The following PDZRN3 variants were observed in gnomAD, a reference collection of about 807,000 sequenced individuals.
PDZRN3 encodes PDZ domain containing ring finger 3.
A neutral mutation model predicts 85.7 loss-of-function variants in PDZRN3; 38 were observed. The observed-to-expected ratio is 0.44, with a 90% CI of 0.34 to 0.58. PDZRN3 has a LOEUF of 0.58. PDZRN3 is among the 20% of genes least tolerant of loss of function. The probability of loss-of-function intolerance (pLI) is 0.01; values close to 1 mark genes in which losing one functional copy is unlikely to be tolerated. For missense variants in PDZRN3, 1,629 were observed against 1,506.4 expected, an observed-to-expected ratio of 1.08 and a Z score of -1.35; for synonymous variants, 759 against 638.0, an observed-to-expected ratio of 1.19 and a Z score of -2.86.
At chr3:73,539,633 C>T (rs899088147) in intron 3 of PDZRN3, among the ~76,000 whole-genome samples, 1 of 152,092 alleles carries the variant, frequency 6.6e-6, no homozygotes, top group African/African-American at 2.4e-5. Context: ...CCAGCACCAA[C>T]TGCAAGATGA....
intron 3 of PDZRN3, among the ~76,000 whole-genome samples, chr3:73,511,394 G>A (rs972102739): frequency 4.0e-5 from 6 of 151,582 alleles, no homozygotes; most frequent in Non-Finnish European, 8.8e-5. Flanking sequence ...CCAGCCCTGG[G>A]TGTCGGCTGG....
chr3:73,623,809 C>G, intron 1 of PDZRN3: 1 of 314,444 alleles, frequency 3.2e-6, no homozygotes, highest in East Asian at 5.0e-5. Flanking sequence ...GAGCTGCATT[C>G]TTCATTCTTA....
chr3:73,586,952 G>C (rs186383849), intron 3 of PDZRN3, among the ~76,000 whole-genome samples: 41 of 152,322 alleles, frequency 2.7e-4, no homozygotes, highest in Non-Finnish European at 3.5e-4. Flanking sequence ...TAAGTGGAAA[G>C]GTGACAGGAA....
In PDZRN3 at chr3:73,624,747, C is replaced by T; in HGVS notation, c.79G>A (p.Asp27Asn). The change falls in exon 1 of 10, where the codon GAC becomes AAC. Residue 27 changes from aspartate (D) to asparagine (N), a missense_variant. Transcript: ENST00000263666. ...KCALCHKVLE[D>N]PLTTPCGHVF... Reference sequence around the variant, plus strand: ...TGGCCGCACGGCGTGGTCAGCGGGTCCTCCAGGACCTTGTGGCACAGCGCG... The same window carrying T: ...TGGCCGCACGGCGTGGTCAGCGGGTTCTCCAGGACCTTGTGGCACAGCGCG... 2 of 1,509,566 alleles carry T rather than the reference C, an allele frequency of 1.3e-6. No individual in the cohort carries two copies. Among genetic ancestry groups the T allele is most frequent in the Non-Finnish European group, 1.8e-6 (2 of 1,136,684 alleles). The allele number at this position is 1,509,566 out of a possible 1,614,324, so 93.5% of individuals were successfully genotyped here. A position where few individuals can be genotyped will look rare whatever the true frequency, so the allele number is the denominator to read the frequency against.
chr3:73,595,345 G>A (rs997794712), intron 3 of PDZRN3, among the ~76,000 whole-genome samples: 1 of 152,158 alleles, frequency 6.6e-6, no homozygotes, highest in South Asian at 2.1e-4. Flanking sequence ...GTGGATAACT[G>A]CTATCAAACT....
chr3:73,391,980 GCT>G (rs1415727964), intron 5 of PDZRN3, among the ~76,000 whole-genome samples: 1 of 152,164 alleles, frequency 6.6e-6, no homozygotes, highest in Non-Finnish European at 1.5e-5. Context: ...GAATGGAGGG[GCT>G]CTGAGATGGG....
At chr3:73,415,961 A>G (rs1702072763) in intron 3 of PDZRN3, among the ~76,000 whole-genome samples, 1 of 149,418 alleles carries the variant, frequency 6.7e-6, no homozygotes, top group Admixed American at 6.7e-5. Context: ...CCAAGAGAGT[A>G]GATTTTTAGG....
Position 73,624,941 on chromosome 3 carries a change from T to C in PDZRN3, c.-116A>G, listed in dbSNP as rs1384817737. 1 of 731,912 alleles carries C rather than the reference T, an allele frequency of 1.4e-6. No individual in the cohort carries two copies. Among genetic ancestry groups the C allele is most frequent in the Non-Finnish European group, 1.9e-6 (1 of 533,592 alleles). 45.3% of individuals were successfully genotyped at this position (731,912 alleles called of 1,614,324 possible). A position where few individuals can be genotyped will look rare whatever the true frequency, so the allele number is the denominator to read the frequency against. On this transcript the variant is annotated 5_prime_UTR_variant, in exon 1 of 10. Transcript: ENST00000263666. ...GCGCGCTCGCTGGCTCTCCCCGGACTGAGCCTAATTGATCCAGACTTCCTC... is the reference window on the plus strand; with the variant it reads ...GCGCGCTCGCTGGCTCTCCCCGGACCGAGCCTAATTGATCCAGACTTCCTC...
chr3:73,457,549 C>T (rs1703011106), intron 3 of PDZRN3, among the ~76,000 whole-genome samples: 1 of 152,080 alleles, frequency 6.6e-6, no homozygotes, highest in Non-Finnish European at 1.5e-5. Flanking sequence ...CCATGTGCCC[C>T]CTGGATTCCC....
intron 3 of PDZRN3, among the ~76,000 whole-genome samples, chr3:73,467,350 T>C (rs1371465746): frequency 1.3e-5 from 2 of 152,224 alleles, no homozygotes; most frequent in Admixed American, 6.5e-5. Flanking sequence ...TTTGTTTCAG[T>C]ATACTCAATG....
chr3:73,437,020 C>T (rs1702543796), intron 3 of PDZRN3, among the ~76,000 whole-genome samples: 1 of 143,364 alleles, frequency 7.0e-6, no homozygotes, highest in Admixed American at 7.2e-5. Flanking sequence ...GCACTCCAGC[C>T]TGGCGACAGA....
chr3:73,612,648 A>C (rs980609783), intron 1 of PDZRN3, among the ~76,000 whole-genome samples: 10 of 152,214 alleles, frequency 6.6e-5, no homozygotes, highest in Non-Finnish European at 1.2e-4. Flanking sequence ...TGTCTGGCTG[A>C]GAAATGTGTT....
intron 3 of PDZRN3, among the ~76,000 whole-genome samples, chr3:73,468,641 T>C (rs1360199981): frequency 6.6e-6 from 1 of 152,196 alleles, no homozygotes; most frequent in East Asian, 1.9e-4. Flanking sequence ...GGTGACAGAT[T>C]GAAATAGGTA....
intron 3 of PDZRN3, among the ~76,000 whole-genome samples, chr3:73,410,969 A>G (rs1701954998): frequency 6.6e-6 from 1 of 152,232 alleles, no homozygotes; most frequent in Non-Finnish European, 1.5e-5. Context: ...AGGAAAGCCA[A>G]TGGCAAGTAC....
rs1485096561 is a variant in PDZRN3 at position 73,401,072 on chromosome 3, C to T, written c.1167-63G>A. Reference sequence around the variant, plus strand: ...GTTGTCAGTATCTGTTTTTCTTACACCCATTGTCAGGCCAGTGGCACAGTA... The same window carrying T: ...GTTGTCAGTATCTGTTTTTCTTACATCCATTGTCAGGCCAGTGGCACAGTA... On this transcript the variant is annotated intron_variant, in intron 4 of 9. Coordinates refer to ENST00000263666, the MANE Select transcript of PDZRN3 (RefSeq NM_015009.3). 7.2e-6 allele frequency: 9 copies of T among 1,251,588 alleles called. No homozygotes were observed. In the East Asian group the frequency reaches 1.9e-4, roughly 26 times the overall value. 77.5% of individuals were successfully genotyped at this position (1,251,588 alleles called of 1,614,324 possible). A position where few individuals can be genotyped will look rare whatever the true frequency, so the allele number is the denominator to read the frequency against.
rs1346034929 is a variant in PDZRN3 at position 73,391,083 on chromosome 3, T to G, written c.1288A>C (p.Lys430Gln). 6.2e-7 allele frequency: 1 copy of G among 1,613,946 alleles called. No homozygotes were observed. Among genetic ancestry groups the G allele is most frequent in the East Asian group, 2.2e-5 (1 of 44,880 alleles). Reference protein sequence around the residue: ...VDLYRMNSQDKLGLTVCYRTD... With the variant: ...VDLYRMNSQDQLGLTVCYRTD... ...CGGTAGCACACAGTGAGGCCCAGCT[T>G]GTCCTGGCTGTTCATTCTGTAGAGG... Residue 430 changes from lysine (K) to glutamine (Q), a missense_variant, in exon 6 of 10, where the codon AAG becomes CAG. Physicochemically the swap from Lys to Gln is moderately conservative, Grantham distance 53. Coordinates refer to ENST00000263666, the MANE Select transcript of PDZRN3 (RefSeq NM_015009.3).
Position 73,436,733 on chromosome 3 carries a change from G to A in PDZRN3, c.919-32338C>T, listed in dbSNP as rs111495257. Among the ~76,000 whole-genome samples, 322 of 152,144 alleles carry A rather than the reference G, an allele frequency of 2.1e-3. 1 individual carries two copies. Among genetic ancestry groups the A allele is most frequent in the African/African-American group, 7.3e-3 (303 of 41,516 alleles). On this transcript the variant is annotated intron_variant, in intron 3 of 9. Transcript: ENST00000263666. Reference sequence around the variant, plus strand: ...TGGTTCTCTAACATTTTGGCCTTAGGAACTCTTTCACTCTTAAAAATTACT... The same window carrying A: ...TGGTTCTCTAACATTTTGGCCTTAGAAACTCTTTCACTCTTAAAAATTACT...
chr3:73,608,618 T>A lies in PDZRN3; in HGVS notation c.790A>T (p.Ile264Phe). 2 of 1,610,490 alleles carry A rather than the reference T, an allele frequency of 1.2e-6. No homozygotes were observed. The highest frequency in any genetic ancestry group is 1.7e-6 in the Non-Finnish European group (2 of 1,177,096). ...CATACCACACTCGGCCGGCCACCAATAATATTGAATCCCAGGGAGCCGGAG... is the reference window on the plus strand; with the variant it reads ...CATACCACACTCGGCCGGCCACCAAAAATATTGAATCCCAGGGAGCCGGAG... ...RDSGSLGFNI[I>F]GGRPSVDNHD... The change falls in exon 2 of 10, where the codon ATT (isoleucine) becomes TTT (phenylalanine). Residue 264 changes from isoleucine to phenylalanine, a missense_variant. Ile to Phe is a conservative substitution (Grantham distance 21). Coordinates refer to ENST00000263666, the MANE Select transcript of PDZRN3 (RefSeq NM_015009.3).
intron 2 of PDZRN3, among the ~76,000 whole-genome samples, chr3:73,604,699 T>A (rs1260536916): frequency 6.6e-6 from 1 of 152,220 alleles, no homozygotes; most frequent in African/African-American, 2.4e-5. Flanking sequence ...GAGATCTGTG[T>A]TTACTCTGAT....
Sources: allele counts gnomAD v4.1 joint callset (sites outside exome capture counted in the v4.1 genomes callset), GRCh38; gene constraint gnomAD v4.1.1; transcripts MANE v1.5; gene names NCBI Gene and HGNC (gene_info 2026-07-23, HGNC 2026-07-21).